Variants in SLC30A4 observed in about 807,000 individuals in gnomAD.
The protein encoded by SLC30A4 is solute carrier family 30 member 4.
In SLC30A4, 20 loss-of-function variants were observed where a neutral mutation model predicts 41.7. The ratio of observed to expected loss-of-function variants is 0.48; its 90% confidence interval spans 0.34 to 0.70. SLC30A4 has a LOEUF of 0.70. Among genes scored for constraint, SLC30A4 ranks in the 30% least tolerant of loss-of-function variants. SLC30A4 has a pLI of 0.01. For synonymous variants in SLC30A4, 181 were observed against 195.9 expected (o/e 0.92, Z 0.64); for missense variants, 441 against 529.3 (o/e 0.83, Z 1.64).
rs909348431 is a variant in SLC30A4, at chr15:45,490,650, A to T, written c.692+78T>A. On this transcript the variant is annotated intron_variant, in intron 4 of 7. Transcript: ENST00000261867. ...TTTTTAAAATATCAAAATATCACTG[A>T]ATATTACTGAATGCATATGCAATAG... The T allele has an allele frequency of 3.5e-6, 3 of 848,220 alleles. No individual in the cohort carries two copies. The Admixed American group carries it at 7.9e-5, about 22-fold the overall frequency. 52.5% of individuals were successfully genotyped at this position (848,220 alleles called of 1,614,324 possible).
chr15:45,507,321 AAAATAAATAAATAAAT>A (rs58217872), intron 3 of SLC30A4, among the ~76,000 whole-genome samples: 13 of 141,022 alleles, frequency 9.2e-5, no homozygotes, highest in African/African-American at 2.3e-4. Context: ...CTCTGTCTCA[AAAATAAATAAATAAAT>A]AAATAAATAA....
At chr15:45,504,555 A>T (rs1040791118) in intron 3 of SLC30A4, among the ~76,000 whole-genome samples, 2 of 152,202 alleles carry the variant, frequency 1.3e-5, no homozygotes, top group African/African-American at 4.8e-5. Context: ...TAACCAAAAA[A>T]TTTTAAAGAT....
chr15:45,504,248 C>G (rs1892102254), intron 3 of SLC30A4, among the ~76,000 whole-genome samples: 1 of 152,188 alleles, frequency 6.6e-6, no homozygotes, highest in Non-Finnish European at 1.5e-5. Flanking sequence ...AGTAGAATTG[C>G]TCCTTCAATT....
chr15:45,507,931 T>C (rs1317304772), intron 3 of SLC30A4, among the ~76,000 whole-genome samples: 1 of 152,136 alleles, frequency 6.6e-6, no homozygotes. Flanking sequence ...GGCAGAAGGA[T>C]AGGGAAACTA....
At chr15:45,495,147 A>T (rs1891886386) in intron 3 of SLC30A4, among the ~76,000 whole-genome samples, 1 of 145,074 alleles carries the variant, frequency 6.9e-6, no homozygotes, top group Non-Finnish European at 1.5e-5. Context: ...CCTGTCTCTC[A>T]AAAAAAAAAA....
chr15:45,490,015 C>T (rs1891779449), intron 4 of SLC30A4, among the ~76,000 whole-genome samples: 1 of 152,088 alleles, frequency 6.6e-6, no homozygotes, highest in African/African-American at 2.4e-5. Context: ...AAAATATTTA[C>T]TATCTAGCCT....
chr15:45,506,361 A>G (rs1892156781), intron 3 of SLC30A4, among the ~76,000 whole-genome samples: 1 of 152,346 alleles, frequency 6.6e-6, no homozygotes, highest in South Asian at 2.1e-4. Context: ...GAATGGTAAC[A>G]AACCAAGCTT....
chr15:45,511,084 C>T, intron 3 of SLC30A4, 54 bp downstream of exon 3: 1 of 1,396,170 alleles, frequency 7.2e-7, no homozygotes, highest in Non-Finnish European at 1.0e-6. Flanking sequence ...GGTTATAGTT[C>T]ATTGTGGTTT....
In SLC30A4 at chr15:45,480,503, A is replaced by G. The variant is rs1193293165; in HGVS notation, c.*4660T>C. 6.6e-6 allele frequency: 1 copy of G among 152,216 alleles called. No homozygotes were observed. Among genetic ancestry groups the G allele is most frequent in the Non-Finnish European group, 1.5e-5 (1 of 68,048 alleles). 9.4% of individuals were successfully genotyped at this position (152,216 alleles called of 1,614,324 possible). On this transcript the variant is annotated 3_prime_UTR_variant, in exon 8 of 8. Coordinates refer to ENST00000261867, the MANE Select transcript of SLC30A4 (RefSeq NM_013309.6). ...GATCAGACTTGCCTCCCCTCAACAT[A>G]GCATATAGTGATGGGTGTTCATTTA...
chr15:45,515,310 G>T (rs917734386), intron 2 of SLC30A4, among the ~76,000 whole-genome samples: 17 of 151,902 alleles, frequency 1.1e-4, no homozygotes, highest in African/African-American at 4.1e-4. Context: ...TTTCAGGCAT[G>T]AGCCACTGCA....
At chr15:45,516,684 C>T (rs948367311) in intron 2 of SLC30A4, among the ~76,000 whole-genome samples, 1 of 152,142 alleles carries the variant, frequency 6.6e-6, no homozygotes, top group Non-Finnish European at 1.5e-5. Context: ...GCCTGGCCAA[C>T]ATGTTGAAAC....
At chr15:45,514,447 T>C (rs923375491) in intron 2 of SLC30A4, among the ~76,000 whole-genome samples, 1 of 151,982 alleles carries the variant, frequency 6.6e-6, no homozygotes, top group Non-Finnish European at 1.5e-5. Flanking sequence ...GTTGATGATT[T>C]CGTAGCCTTT....
rs570163311 is a variant in SLC30A4 at position 45,487,329 on chromosome 15, C to T, written c.1000+198G>A. Among the ~76,000 whole-genome samples, 26 of 152,218 alleles carry T rather than the reference C, an allele frequency of 1.7e-4. No homozygotes were observed. The South Asian group carries it at 2.5e-3, about 15-fold the overall frequency. On this transcript the variant is annotated intron_variant, in intron 6 of 7. Coordinates refer to ENST00000261867, the MANE Select transcript of SLC30A4 (RefSeq NM_013309.6). ...TATCTGCCTTACCTACTTTGCTTAG[C>T]TATTATAAGTGTCAAATGGGTAAAA...
At chr15:45,506,900 T>G (rs993318407) in intron 3 of SLC30A4, among the ~76,000 whole-genome samples, 2 of 152,216 alleles carry the variant, frequency 1.3e-5, no homozygotes, top group African/African-American at 4.8e-5. Context: ...TTTCAGTACA[T>G]GTACAAGGTT....
At chr15:45,494,747 G>T (rs1435049207) in intron 3 of SLC30A4, among the ~76,000 whole-genome samples, 5 of 152,086 alleles carry the variant, frequency 3.3e-5, no homozygotes, top group Non-Finnish European at 7.4e-5. Context: ...ATTCGAAACT[G>T]TAGAATCTCA....
At chr15:45,496,086 C>A (rs1021510864) in intron 3 of SLC30A4, among the ~76,000 whole-genome samples, 1 of 152,018 alleles carries the variant, frequency 6.6e-6, no homozygotes, top group Non-Finnish European at 1.5e-5. Flanking sequence ...ATTGTTAGGG[C>A]TGAGATTTAT....
rs1193042045 is a variant in SLC30A4, at chr15:45,482,615, A to C, written c.*2548T>G. The C allele has an allele frequency of 1.3e-5, 2 of 152,098 alleles. No individual in the cohort carries two copies. The highest frequency in any genetic ancestry group is 2.9e-5 in the Non-Finnish European group (2 of 68,022). 9.4% of individuals were successfully genotyped at this position (152,098 alleles called of 1,614,324 possible). On this transcript the variant is annotated 3_prime_UTR_variant, in exon 8 of 8. Transcript: ENST00000261867. ...TTTTTTTCCTTTCTACTTGCTAGAT[A>C]CTCAAAGTCCATAAATATGTCCAGA...
intron 3 of SLC30A4, among the ~76,000 whole-genome samples, chr15:45,500,419 T>G (rs759452778): frequency 6.6e-6 from 1 of 152,200 alleles, no homozygotes; most frequent in Non-Finnish European, 1.5e-5. Context: ...TAGATGGATC[T>G]CAGATTTGAA....
At chr15:45,520,924 C>T (rs1057100016) in intron 2 of SLC30A4, 1 of 408,928 alleles carries the variant, frequency 2.4e-6, no homozygotes, top group Admixed American at 3.7e-5. Flanking sequence ...GGACCAGCCA[C>T]TTTGAACGCC....
Sources: allele counts gnomAD v4.1 joint callset (sites outside exome capture counted in the v4.1 genomes callset), GRCh38; gene constraint gnomAD v4.1.1; transcripts MANE v1.5; gene names NCBI Gene and HGNC (gene_info 2026-07-23, HGNC 2026-07-21).